Variants in PCLO observed in about 807,000 individuals in gnomAD.
The protein encoded by PCLO is protein piccolo.
A neutral mutation model predicts 427.5 loss-of-function variants in PCLO; 82 were observed. That is an observed-to-expected ratio of 0.19 (90% CI 0.16 to 0.23). PCLO has a LOEUF of 0.23. PCLO is among the 10% of genes least tolerant of loss of function. The pLI, the probability that PCLO is intolerant of heterozygous loss-of-function variation, is 1.00. For missense variants in PCLO, 6,239 were observed against 6,115.9 expected (o/e 1.02, Z -0.67); for synonymous variants, 2,357 against 2,155.4 (o/e 1.09, Z -2.59).
intron 3 of PCLO, among the ~76,000 whole-genome samples, chr7:83,114,368 G>A (rs1274530635): frequency 6.6e-6 from 1 of 152,012 alleles, no homozygotes; most frequent in Non-Finnish European, 1.5e-5. Flanking sequence ...CTCAAAAAAT[G>A]AATGAAAGAT....
At chr7:82,770,745 T>C (rs934752998) in intron 22 of PCLO, among the ~76,000 whole-genome samples, 1 of 151,884 alleles carries the variant, frequency 6.6e-6, no homozygotes, top group South Asian at 2.1e-4. Context: ...CTGACTCTGG[T>C]ACTCAAGAAT....
chr7:82,820,471 C>A, intron 20 of PCLO: 2 of 1,169,330 alleles, frequency 1.7e-6, no homozygotes, highest in African/African-American at 3.2e-5. Context: ...GCTCAGAACC[C>A]AGTAGTTTAT....
At chr7:82,766,203 G>A (rs1275048306) in intron 22 of PCLO, among the ~76,000 whole-genome samples, 1 of 152,032 alleles carries the variant, frequency 6.6e-6, no homozygotes, top group Non-Finnish European at 1.5e-5. Context: ...GGCAGCCTTG[G>A]CTTATCACTA....
intron 6 of PCLO, among the ~76,000 whole-genome samples, chr7:82,923,104 AG>A (rs1794635773): frequency 6.6e-6 from 1 of 152,088 alleles, no homozygotes; most frequent in South Asian, 2.1e-4. Context: ...ACATGACATA[AG>A]GTGAGTTAGA....
At chr7:82,926,772 G>A (rs1794722686) in intron 6 of PCLO, among the ~76,000 whole-genome samples, 1 of 152,144 alleles carries the variant, frequency 6.6e-6, no homozygotes, top group African/African-American at 2.4e-5. Flanking sequence ...GTCCCAAAGA[G>A]ATTAATTTCT....
At chr7:82,896,034 A>C (rs970936287) in intron 9 of PCLO, among the ~76,000 whole-genome samples, 2 of 151,942 alleles carry the variant, frequency 1.3e-5, no homozygotes, top group Non-Finnish European at 2.9e-5. Flanking sequence ...ATGAATATCC[A>C]CAAACAATTA....
chr7:82,793,867 C>A (rs1052534490), intron 22 of PCLO, among the ~76,000 whole-genome samples: 1 of 152,060 alleles, frequency 6.6e-6, no homozygotes, highest in African/African-American at 2.4e-5. Context: ...GTGGTTAATT[C>A]GCTATTTTGG....
At chr7:83,069,745 G>T in intron 3 of PCLO, among the ~76,000 whole-genome samples, 2 of 148,148 alleles carry the variant, frequency 1.3e-5, no homozygotes, top group East Asian at 2.1e-4. Flanking sequence ...TATATTCTTG[G>T]CTCTTCACAA....
At chr7:83,100,349 A>T (rs1021087598) in intron 3 of PCLO, among the ~76,000 whole-genome samples, 1 of 152,190 alleles carries the variant, frequency 6.6e-6, no homozygotes, top group African/African-American at 2.4e-5. Flanking sequence ...TATTGTAAAG[A>T]CACATACATG....
In PCLO at chr7:82,761,503, T is replaced by A; in HGVS notation, c.15008-10A>T. 3 of 1,585,528 alleles carry A rather than the reference T, an allele frequency of 1.9e-6. No individual in the cohort carries two copies. The highest frequency in any genetic ancestry group is 2.2e-5 in the East Asian group (1 of 44,530). ...ATTACCTGAGTTTTAGCTGGGAGAA[T>A]TTAATAAAAATGCAAAGAAGTATGT... On this transcript the variant is annotated splice_polypyrimidine_tract_variant and intron_variant, in intron 22 of 24. Coordinates refer to ENST00000333891, the MANE Select transcript of PCLO (RefSeq NM_033026.6).
At chr7:83,142,957 C>CA (rs922872458) in intron 2 of PCLO, among the ~76,000 whole-genome samples, 29 of 144,790 alleles carry the variant, frequency 2.0e-4, no homozygotes, top group African/African-American at 3.3e-4. Context: ...GACTCCATCT[C>CA]AAAAAAAAAA....
intron 3 of PCLO, among the ~76,000 whole-genome samples, chr7:82,993,657 G>A (rs1477219730): frequency 2.0e-5 from 3 of 151,870 alleles, no homozygotes; most frequent in East Asian, 3.8e-4. Context: ...ATAGACTACA[G>A]TATAGTGTAA....
At chr7:82,769,567 T>G (rs1790604848) in intron 22 of PCLO, among the ~76,000 whole-genome samples, 1 of 152,134 alleles carries the variant, frequency 6.6e-6, no homozygotes, top group South Asian at 2.1e-4. Context: ...AAGACCATTT[T>G]AGGCAAAAGT....
intron 6 of PCLO, among the ~76,000 whole-genome samples, chr7:82,942,110 C>G (rs749439046): frequency 9.9e-5 from 15 of 152,108 alleles, no homozygotes; most frequent in Non-Finnish European, 2.1e-4. Flanking sequence ...ACCTGGGAGG[C>G]AGAGGTTGCA....
chr7:83,048,244 A>T lies in PCLO; in HGVS notation c.3301-81757T>A, dbSNP rs376598642. Among the ~76,000 whole-genome samples, 53 of 152,116 alleles carry T rather than the reference A, an allele frequency of 3.5e-4. 1 individual carries two copies. In the East Asian group the frequency reaches 5.4e-3, roughly 16 times the overall value. On this transcript the variant is annotated intron_variant, in intron 3 of 24. Coordinates refer to ENST00000333891, the MANE Select transcript of PCLO (RefSeq NM_033026.6). Reference sequence around the variant, plus strand: ...TTACTATATCTAGTATTTTTATAACACGTAATTATGTTATGTGTCCAGAGC... The same window carrying T: ...TTACTATATCTAGTATTTTTATAACTCGTAATTATGTTATGTGTCCAGAGC...
chr7:82,797,733 A>C (rs950101636), intron 22 of PCLO, among the ~76,000 whole-genome samples: 5 of 152,120 alleles, frequency 3.3e-5, no homozygotes, highest in Non-Finnish European at 5.9e-5. Flanking sequence ...TAGTCTGAAA[A>C]AGTATTACTG....
intron 6 of PCLO, among the ~76,000 whole-genome samples, chr7:82,932,076 A>G (rs1259187354): frequency 1.3e-5 from 2 of 152,282 alleles, no homozygotes; most frequent in South Asian, 2.1e-4. Flanking sequence ...ATTCACTGTC[A>G]TCAAGGCAGC....
At chr7:82,947,178 A>T (rs1171919413) in intron 6 of PCLO, among the ~76,000 whole-genome samples, 2 of 151,980 alleles carry the variant, frequency 1.3e-5, no homozygotes, top group African/African-American at 2.4e-5. Context: ...CATGACTCAG[A>T]CCTCTTCTTT....
At chr7:82,775,059 T>G (rs1790721265) in intron 22 of PCLO, among the ~76,000 whole-genome samples, 1 of 152,188 alleles carries the variant, frequency 6.6e-6, no homozygotes, top group South Asian at 2.1e-4. Context: ...TTTCATAGCT[T>G]TATAGCTCAT....
Sources: allele counts gnomAD v4.1 joint callset (sites outside exome capture counted in the v4.1 genomes callset), GRCh38; gene constraint gnomAD v4.1.1; transcripts MANE v1.5; gene names NCBI Gene and HGNC (gene_info 2026-07-23, HGNC 2026-07-21).